The following EPSTI1 variants were observed in gnomAD, a reference collection of about 807,000 sequenced individuals.
EPSTI1 encodes epithelial-stromal interaction protein 1.
In EPSTI1, 66 loss-of-function variants were observed where a neutral mutation model predicts 49.9. The ratio of observed to expected loss-of-function variants is 1.32; its 90% confidence interval spans 1.08 to 1.62. EPSTI1 has a LOEUF of 1.62. Ranked by LOEUF, EPSTI1 falls within the 40% of genes most tolerant of loss-of-function variation. The probability of loss-of-function intolerance (pLI) is 0.00; values close to 1 mark genes in which losing one functional copy is unlikely to be tolerated. For missense variants in EPSTI1, 394 were observed against 365.5 expected, an observed-to-expected ratio of 1.08 and a Z score of -0.64; for synonymous variants, 137 against 130.7, an observed-to-expected ratio of 1.05 and a Z score of -0.33.
At chr13:42,939,547 T>G (rs544959654) in intron 6 of EPSTI1, among the ~76,000 whole-genome samples, 29 of 152,292 alleles carry the variant, frequency 1.9e-4, no homozygotes, top group East Asian at 1.5e-3. Flanking sequence ...GAGAGAGAGA[T>G]AGACAGGGGA....
intron 9 of EPSTI1, among the ~76,000 whole-genome samples, chr13:42,898,626 G>A (rs2037264896): frequency 1.3e-5 from 1 of 76,578 alleles, no homozygotes; most frequent in South Asian, 6.7e-4. Flanking sequence ...CAATATTTAG[G>A]TATTCAGTAG....
intron 10 of EPSTI1, among the ~76,000 whole-genome samples, chr13:42,890,155 T>A (rs2036987008): frequency 6.6e-6 from 1 of 152,208 alleles, no homozygotes; most frequent in South Asian, 2.1e-4. Flanking sequence ...AATTGGTTAC[T>A]CTCAGTTCTT....
At chr13:42,936,401 A>T (rs976417325) in intron 6 of EPSTI1, among the ~76,000 whole-genome samples, 1 of 152,186 alleles carries the variant, frequency 6.6e-6, no homozygotes, top group African/African-American at 2.4e-5. Flanking sequence ...CAGCCCCATC[A>T]TCATACCCAA....
intron 4 of EPSTI1, among the ~76,000 whole-genome samples, chr13:42,963,848 G>T (rs913581216): frequency 2.0e-5 from 3 of 152,076 alleles, no homozygotes; most frequent in African/African-American, 7.2e-5. Context: ...TCCCTTAATC[G>T]AGGGTCATGC....
chr13:42,904,533 C>A (rs1411596445), intron 8 of EPSTI1, among the ~76,000 whole-genome samples: 1 of 152,172 alleles, frequency 6.6e-6, no homozygotes, highest in Non-Finnish European at 1.5e-5. Context: ...ACGTATACAT[C>A]TCTTGCAGAA....
At chr13:42,937,221 C>T (rs2038595292) in intron 6 of EPSTI1, among the ~76,000 whole-genome samples, 1 of 84,572 alleles carries the variant, frequency 1.2e-5, no homozygotes. Context: ...CACGTTGTTG[C>T]TAAAAAAAAT....
At chr13:42,964,016 T>G in intron 4 of EPSTI1, 50 bp downstream of exon 4, 1 of 1,474,192 alleles carries the variant, frequency 6.8e-7, no homozygotes, top group Non-Finnish European at 9.4e-7. Flanking sequence ...TTGTAAGAGC[T>G]GGTACTCATA....
chr13:42,941,777 T>G (rs1386777055), intron 6 of EPSTI1, among the ~76,000 whole-genome samples: 1 of 151,470 alleles, frequency 6.6e-6, no homozygotes, highest in Non-Finnish European at 1.5e-5. Context: ...GCCTTGAACA[T>G]GGCCAATTTT....
intron 8 of EPSTI1, among the ~76,000 whole-genome samples, chr13:42,904,629 C>A (rs2037447435): frequency 6.6e-6 from 1 of 152,084 alleles, no homozygotes; most frequent in Non-Finnish European, 1.5e-5. Flanking sequence ...TGCCCACCAA[C>A]AAAACACTTG....
intron 6 of EPSTI1, among the ~76,000 whole-genome samples, chr13:42,935,441 A>G (rs1384740853): frequency 6.6e-6 from 1 of 152,206 alleles, no homozygotes; most frequent in African/African-American, 2.4e-5. Context: ...AAGTAAATCA[A>G]ACTTGGGAAA....
At position 42,888,504 on chromosome 13, in the gene EPSTI1, T is replaced by C; in HGVS notation, c.916-2A>G. The C allele has an allele frequency of 6.3e-7, 1 of 1,583,234 alleles. No homozygotes were observed. Among genetic ancestry groups the C allele is most frequent in the East Asian group, 2.2e-5 (1 of 44,502 alleles). The stretch of plus-strand genomic sequence containing the variant: ...GGAGTCAATATTTTCTCATATACCC[T>C]GGAAGAAAAAGAAAACAAAAATTAC... On this transcript the variant is annotated splice_acceptor_variant, in intron 10 of 10. Transcript: ENST00000313624. LOFTEE classifies it high-confidence loss of function.
At chr13:42,979,014 AGTAG>A (rs2039934025) in intron 1 of EPSTI1, among the ~76,000 whole-genome samples, 1 of 152,222 alleles carries the variant, frequency 6.6e-6, no homozygotes, top group Admixed American at 6.5e-5. Context: ...CATGAAACAA[AGTAG>A]TATTTATAAA....
chr13:42,924,234 G>C (rs926332516), intron 7 of EPSTI1, among the ~76,000 whole-genome samples: 1 of 152,192 alleles, frequency 6.6e-6, no homozygotes, highest in Admixed American at 6.5e-5. Context: ...CGTATTAATA[G>C]TTTGGGGTCA....
At chr13:42,950,186 G>C (rs934631722) in intron 6 of EPSTI1, among the ~76,000 whole-genome samples, 1 of 152,194 alleles carries the variant, frequency 6.6e-6, no homozygotes, top group Non-Finnish European at 1.5e-5. Context: ...CAGAGTAGCA[G>C]ACTTAATGCA....
At chr13:42,950,075 G>A (rs1273775446) in intron 6 of EPSTI1, among the ~76,000 whole-genome samples, 1 of 152,158 alleles carries the variant, frequency 6.6e-6, no homozygotes, top group Non-Finnish European at 1.5e-5. Flanking sequence ...AAATAACCTT[G>A]AAAGTTAGAC....
Position 42,953,841 on chromosome 13 carries a change from C to T in EPSTI1, c.563+107G>A, listed in dbSNP as rs886121744. ...TTCAATTACATAATTAATACAACAG[C>T]CAATAATCCAATACCAGGTGTTTTG... On this transcript the variant is annotated intron_variant, in intron 6 of 10. Coordinates refer to ENST00000313624, the MANE Select transcript of EPSTI1 (RefSeq NM_033255.5). 6.3e-5 allele frequency: 50 copies of T among 790,954 alleles called. No homozygotes were observed. The South Asian group carries it at 8.9e-4, about 14-fold the overall frequency. The allele number at this position is 790,954 out of a possible 1,614,324, so 49.0% of individuals were successfully genotyped here. A position where few individuals can be genotyped will look rare whatever the true frequency, so the allele number is the denominator to read the frequency against.
intron 9 of EPSTI1, among the ~76,000 whole-genome samples, chr13:42,897,242 C>A (rs950448525): frequency 3.9e-5 from 6 of 152,176 alleles, no homozygotes; most frequent in African/African-American, 7.2e-5. Flanking sequence ...GTGGCTGGTT[C>A]TTCCTTGTCC....
At chr13:42,991,937 C>T in intron 1 of EPSTI1, 41 bp downstream of exon 1, 1 of 1,609,348 alleles carries the variant, frequency 6.2e-7, no homozygotes, top group South Asian at 1.1e-5. Context: ...ATGTTTGGGG[C>T]CCGGGCTCCC....
chr13:42,981,763 A>G (rs959189122), intron 1 of EPSTI1, among the ~76,000 whole-genome samples: 2 of 152,238 alleles, frequency 1.3e-5, no homozygotes, highest in Admixed American at 1.3e-4. Context: ...TATGAAATCA[A>G]TTCAGTGGAT....
Sources: gnomAD v4.1 joint callset for allele counts (sites outside exome capture counted in the v4.1 genomes callset) on GRCh38, gnomAD v4.1.1 for gene constraint, MANE v1.5 for transcripts, NCBI Gene and HGNC (gene_info 2026-07-23, HGNC 2026-07-21) for gene names.